The following SPIDR variants were observed in gnomAD, a reference collection of about 807,000 sequenced individuals.
SPIDR encodes scaffold protein involved in DNA repair.
In SPIDR, 93 loss-of-function variants were observed where a neutral mutation model predicts 104.6. The ratio of observed to expected loss-of-function variants is 0.89; its 90% CI spans 0.75 to 1.06. The LOEUF is 1.06. Ranked by LOEUF, SPIDR falls within the 50% of genes least tolerant of loss-of-function variation. The probability of loss-of-function intolerance (pLI) is 0.00; values close to 1 mark genes in which losing one functional copy is unlikely to be tolerated. For synonymous variants in SPIDR, 431 were observed against 416.9 expected (o/e 1.03, Z -0.41); for missense variants, 1,154 against 1,111.2 (o/e 1.04, Z -0.55).
chr8:47,689,212 C>T (rs1312453645), intron 11 of SPIDR, among the ~76,000 whole-genome samples: 1 of 152,122 alleles, frequency 6.6e-6, no homozygotes, highest in Non-Finnish European at 1.5e-5. Context: ...TTTCATGACC[C>T]CCAGGCAGGG....
At chr8:47,449,784 G>T (rs1165107173) in intron 8 of SPIDR, among the ~76,000 whole-genome samples, 2 of 152,198 alleles carry the variant, frequency 1.3e-5, no homozygotes, top group East Asian at 3.8e-4. Flanking sequence ...TGAGGAGGAA[G>T]TGAAGTTAGA....
At chr8:47,285,471 C>A (rs2038660583) in intron 3 of SPIDR, among the ~76,000 whole-genome samples, 1 of 152,154 alleles carries the variant, frequency 6.6e-6, no homozygotes, top group East Asian at 1.9e-4. Flanking sequence ...TTCTGCTTCC[C>A]AGCTGTCATA....
chr8:47,569,240 C>CT (rs1231483236), intron 8 of SPIDR, among the ~76,000 whole-genome samples: 1 of 151,870 alleles, frequency 6.6e-6, no homozygotes, highest in Non-Finnish European at 1.5e-5. Flanking sequence ...ATATATACAC[C>CT]TAACAAAGGT....
chr8:47,346,918 G>A (rs781893303), intron 5 of SPIDR, among the ~76,000 whole-genome samples: 26 of 151,994 alleles, frequency 1.7e-4, no homozygotes, highest in Non-Finnish European at 3.2e-4. Context: ...TGGATTCATT[G>A]ATTTTTTGAA....
intron 8 of SPIDR, among the ~76,000 whole-genome samples, chr8:47,505,671 G>C (rs2081368716): frequency 6.6e-6 from 1 of 151,984 alleles, no homozygotes; most frequent in South Asian, 2.1e-4. Context: ...TACCTCAGTT[G>C]GAAATGCAGA....
intron 11 of SPIDR, 98 bp downstream of exon 11, chr8:47,674,039 A>T (rs1465048689): frequency 7.0e-7 from 1 of 1,434,942 alleles, no homozygotes; most frequent in East Asian, 2.5e-5. Flanking sequence ...AAAAGGCAAT[A>T]AACCAGGATC....
intron 8 of SPIDR, among the ~76,000 whole-genome samples, chr8:47,575,216 A>G (rs192838303): frequency 1.4e-4 from 21 of 152,292 alleles, no homozygotes; most frequent in African/African-American, 5.1e-4. Flanking sequence ...TTTTCTTTGA[A>G]GGTGGTCCCC....
chr8:47,434,486 GAGAC>G (rs747577059), intron 7 of SPIDR, among the ~76,000 whole-genome samples: 5 of 152,344 alleles, frequency 3.3e-5, no homozygotes, highest in Non-Finnish European at 7.4e-5. Flanking sequence ...AAGATAAAGA[GAGAC>G]AGAGCGATAA....
intron 4 of SPIDR, among the ~76,000 whole-genome samples, chr8:47,292,764 A>C (rs899066795): frequency 3.3e-5 from 5 of 151,988 alleles, no homozygotes; most frequent in Non-Finnish European, 7.4e-5. Context: ...ATATGTATTA[A>C]TTTGTGGGCT....
At chr8:47,465,540 C>A (rs1359727103) in intron 8 of SPIDR, among the ~76,000 whole-genome samples, 1 of 152,134 alleles carries the variant, frequency 6.6e-6, no homozygotes, top group Non-Finnish European at 1.5e-5. Context: ...TGAGACCAGC[C>A]TGGCCAACAT....
chr8:47,559,419 G>A (rs544089973), intron 8 of SPIDR, among the ~76,000 whole-genome samples: 13 of 152,324 alleles, frequency 8.5e-5, no homozygotes, highest in South Asian at 4.1e-4. Context: ...GCACAGTCCA[G>A]TTGACCAGAT....
intron 16 of SPIDR, among the ~76,000 whole-genome samples, chr8:47,715,534 T>G (rs1439566842): frequency 6.6e-6 from 1 of 152,234 alleles, no homozygotes; most frequent in Non-Finnish European, 1.5e-5. Context: ...AAAATAATTG[T>G]GGTTTTTGCC....
intron 5 of SPIDR, among the ~76,000 whole-genome samples, chr8:47,320,714 C>A (rs1185177639): frequency 6.6e-6 from 1 of 152,112 alleles, no homozygotes; most frequent in Non-Finnish European, 1.5e-5. Flanking sequence ...TACTGGCAAA[C>A]CAAATCCAGC....
At chr8:47,363,640 T>TTGGAACCG (rs1182281103) in intron 5 of SPIDR, among the ~76,000 whole-genome samples, 1 of 152,064 alleles carries the variant, frequency 6.6e-6, no homozygotes, top group South Asian at 2.1e-4. Context: ...ATGCTTATGT[T>TTGGAACCG]TGGAACCGTA....
chr8:47,603,961 C>G (rs2062630053), intron 10 of SPIDR, among the ~76,000 whole-genome samples: 1 of 152,070 alleles, frequency 6.6e-6, no homozygotes, highest in Non-Finnish European at 1.5e-5. Flanking sequence ...TTCCTTCTTT[C>G]CACTAAGGGA....
intron 5 of SPIDR, among the ~76,000 whole-genome samples, chr8:47,356,236 A>G (rs1414945773): frequency 6.6e-6 from 1 of 152,226 alleles, no homozygotes; most frequent in Non-Finnish European, 1.5e-5. Context: ...GTGATATTAT[A>G]CTTTTTGGTT....
At chr8:47,453,211 G>A (rs1282238538) in intron 8 of SPIDR, among the ~76,000 whole-genome samples, 1 of 152,152 alleles carries the variant, frequency 6.6e-6, no homozygotes, top group Non-Finnish European at 1.5e-5. Context: ...TGAAATAAAA[G>A]AGGATACAGA....
At chr8:47,323,015 C>T (rs1554597596) in intron 5 of SPIDR, among the ~76,000 whole-genome samples, 2 of 151,560 alleles carry the variant, frequency 1.3e-5, no homozygotes, top group African/African-American at 4.9e-5. Flanking sequence ...GTGCAGCAGA[C>T]CAACATGGCA....
At chr8:47,489,362 C>A (rs1554736321) in intron 8 of SPIDR, among the ~76,000 whole-genome samples, 1 of 152,152 alleles carries the variant, frequency 6.6e-6, no homozygotes, top group African/African-American at 2.4e-5. Flanking sequence ...AGGACACAAA[C>A]AAATGGAAGA....
Sources: allele counts gnomAD v4.1 joint callset (sites outside exome capture counted in the v4.1 genomes callset), GRCh38; gene constraint gnomAD v4.1.1; transcripts MANE v1.5; gene names NCBI Gene and HGNC (gene_info 2026-07-23, HGNC 2026-07-21).